PKP4: variants seen among roughly 807,000 people sequenced by gnomAD.
PKP4 encodes plakophilin-4.
PKP4 carries 90 observed loss-of-function variants against 145.1 expected under a neutral mutation model. The ratio of observed to expected loss-of-function variants is 0.62; its 90% CI spans 0.52 to 0.74. The LOEUF (loss-of-function observed/expected upper bound fraction) is 0.74. Ranked by LOEUF, PKP4 falls within the 30% of genes least tolerant of loss-of-function variation. PKP4 has a pLI of 0.00. For missense variants in PKP4, 1,340 were observed against 1,482.7 expected (o/e 0.90, Z 1.58); for synonymous variants, 563 against 577.2 (o/e 0.98, Z 0.35).
chr2:158,590,312 AGTGTGTGTGTGTGTGTGT>A (rs57003090), intron 3 of PKP4, among the ~76,000 whole-genome samples: 38 of 124,212 alleles, frequency 3.1e-4, no homozygotes, highest in East Asian at 4.9e-4. Context: ...GAATGTCTTG[AGTGTGTGTGTGTGTGTGT>A]GTGTGTGTGT....
At chr2:158,589,549 G>A (rs2049078209) in intron 3 of PKP4, among the ~76,000 whole-genome samples, 1 of 152,112 alleles carries the variant, frequency 6.6e-6, no homozygotes, top group South Asian at 2.1e-4. Flanking sequence ...TGAAGCGCTT[G>A]ATATTTCTAT....
At chr2:158,622,254 T>C (rs574650976) in intron 6 of PKP4, among the ~76,000 whole-genome samples, 129 of 152,328 alleles carry the variant, frequency 8.5e-4, no homozygotes, top group African/African-American at 2.8e-3. Context: ...AAGAAAGTTA[T>C]TGTATAGAAA....
chr2:158,515,912 A>G lies in PKP4; in HGVS notation c.-5-17268A>G, dbSNP rs543903541. Among the ~76,000 whole-genome samples, 6 of 152,206 alleles carry G rather than the reference A, an allele frequency of 3.9e-5. 1 individual carries two copies. The South Asian group carries it at 1.0e-3, about 26-fold the overall frequency. On this transcript the variant is annotated intron_variant, in intron 1 of 21. Transcript: ENST00000389759. ...AATTTAAAAATGGGCTGGGCATGAT[A>G]GTGTGTGCCTATAGTCCTACCTATT... is the stretch of plus-strand genomic sequence containing the variant.
Position 158,669,747 on chromosome 2 carries a change from A to G in PKP4, c.2756A>G (p.Asn919Ser). The change falls in exon 17 of 22, where the codon AAC (asparagine) becomes AGC (serine). Residue 919 changes from asparagine (N) to serine (S), a missense_variant. Physicochemically the swap from Asn to Ser is conservative, Grantham distance 46 (BLOSUM62 1). Coordinates refer to ENST00000389759, the MANE Select transcript of PKP4 (RefSeq NM_003628.6). ...IGKYAMRDLVNRLPGGNGPSV... is the reference protein window; with the variant it reads ...IGKYAMRDLVSRLPGGNGPSV... ...AAATACGCCATGCGAGACCTGGTCA[A>G]CCGGCTCCCCGGCGGCAATGGCCCC... The G allele has an allele frequency of 6.2e-7, 1 of 1,601,934 alleles. No individual in the cohort carries two copies.
At chr2:158,610,376 A>G (rs1194429915) in intron 4 of PKP4, among the ~76,000 whole-genome samples, 1 of 152,240 alleles carries the variant, frequency 6.6e-6, no homozygotes, top group East Asian at 1.9e-4. Flanking sequence ...TATATAATAC[A>G]ATAAAAAATA....
chr2:158,596,405 CTG>C (rs1181894341), intron 3 of PKP4, among the ~76,000 whole-genome samples: 7 of 151,714 alleles, frequency 4.6e-5, no homozygotes, highest in African/African-American at 1.5e-4. Flanking sequence ...AATGGTAAAA[CTG>C]AGAGAAAATT....
intron 11 of PKP4, 83 bp from the exon 12 acceptor site, chr2:158,658,048 T>C (rs2056167746): frequency 2.5e-6 from 2 of 810,468 alleles, no homozygotes; most frequent in Non-Finnish European, 4.0e-6. Context: ...ACTGACTTCA[T>C]ATTAATTAGA....
At chr2:158,521,338 T>C (rs1292843648) in intron 1 of PKP4, among the ~76,000 whole-genome samples, 1 of 152,232 alleles carries the variant, frequency 6.6e-6, no homozygotes, top group African/African-American at 2.4e-5. Context: ...AACTTCATTA[T>C]TGGTCATCTA....
chr2:158,459,333 T>A (rs1267718433), intron 1 of PKP4, among the ~76,000 whole-genome samples: 1 of 152,228 alleles, frequency 6.6e-6, no homozygotes, highest in African/African-American at 2.4e-5. Context: ...TCTTTGCACC[T>A]GGTTATTTTA....
intron 19 of PKP4, 36 bp downstream of exon 19, chr2:158,674,036 T>G: frequency 9.0e-7 from 1 of 1,113,240 alleles, no homozygotes; most frequent in Non-Finnish European, 1.4e-6. Flanking sequence ...GCGAGAACCT[T>G]TGTGTGACAG....
chr2:158,664,601 T>C (rs1222178828), intron 15 of PKP4, among the ~76,000 whole-genome samples: 1 of 152,208 alleles, frequency 6.6e-6, no homozygotes, highest in Non-Finnish European at 1.5e-5. Flanking sequence ...AGCCTAGGTA[T>C]GGTTTGTTTC....
intron 1 of PKP4, among the ~76,000 whole-genome samples, chr2:158,482,087 G>A (rs1379222394): frequency 2.6e-5 from 4 of 152,152 alleles, no homozygotes; most frequent in Admixed American, 1.3e-4. Flanking sequence ...CTAGTCACAT[G>A]TAGCTATTTA....
At chr2:158,469,641 T>A (rs1691238458) in intron 1 of PKP4, among the ~76,000 whole-genome samples, 1 of 152,206 alleles carries the variant, frequency 6.6e-6, no homozygotes, top group Non-Finnish European at 1.5e-5. Flanking sequence ...ATTACTTTTA[T>A]GTTCATTCTA....
intron 6 of PKP4, among the ~76,000 whole-genome samples, chr2:158,623,162 C>CT (rs1050868405): frequency 1.3e-5 from 2 of 152,098 alleles, no homozygotes; most frequent in African/African-American, 4.8e-5. Context: ...CCCAATCATG[C>CT]TTTTTTTGTT....
chr2:158,621,396 G>C lies in PKP4; in HGVS notation c.578G>C (p.Arg193Thr). 6.2e-7 allele frequency: 1 copy of C among 1,614,110 alleles called. No homozygotes were observed. Among genetic ancestry groups the C allele is most frequent in the Non-Finnish European group, 8.5e-7 (1 of 1,179,966 alleles). The change falls in exon 6 of 22, where the codon AGA becomes ACA. Residue 193 changes from arginine (R) to threonine (T), a missense_variant. Arg to Thr is a moderately conservative substitution (Grantham distance 71, BLOSUM62 -1). Coordinates refer to ENST00000389759, the MANE Select transcript of PKP4 (RefSeq NM_003628.6). ...STNNHVVRNSRAEGQTLVQPS... is the reference protein window; with the variant it reads ...STNNHVVRNSTAEGQTLVQPS... The stretch of plus-strand genomic sequence containing the variant: ...AACAACCATGTGGTGAGGAATTCAA[G>C]AGCTGAAGGACAAACACTGGTTCAG...
At chr2:158,544,290 A>T (rs982171982) in intron 2 of PKP4, among the ~76,000 whole-genome samples, 18 of 152,282 alleles carry the variant, frequency 1.2e-4, no homozygotes, top group Non-Finnish European at 2.6e-4. Context: ...GACTCATGAA[A>T]ATAAAGGTTC....
rs570093333 is a variant in PKP4 at position 158,638,029 on chromosome 2, C to G, written c.1563-2598C>G. Among the ~76,000 whole-genome samples, 466 of 152,292 alleles carry G rather than the reference C, an allele frequency of 3.1e-3. 2 individuals carry two copies. Among genetic ancestry groups the G allele is most frequent in the Non-Finnish European group, 5.6e-3 (383 of 68,016 alleles). On this transcript the variant is annotated intron_variant, in intron 9 of 21. Coordinates refer to ENST00000389759, the MANE Select transcript of PKP4 (RefSeq NM_003628.6). ...CAGGAAATCTTGACCCTCAGTGTCC[C>G]ATTTAAAGAGGACAAAAATGTGTAT...
intron 15 of PKP4, among the ~76,000 whole-genome samples, chr2:158,664,843 G>T (rs1220988222): frequency 4.6e-5 from 7 of 152,174 alleles, no homozygotes; most frequent in Non-Finnish European, 7.3e-5. Flanking sequence ...GTGGTTATGA[G>T]GATTTAGTGA....
At chr2:158,595,709 A>T (rs1408745114) in intron 3 of PKP4, among the ~76,000 whole-genome samples, 1 of 152,210 alleles carries the variant, frequency 6.6e-6, no homozygotes, top group Non-Finnish European at 1.5e-5. Flanking sequence ...ATAGAAATTT[A>T]AGTGTTTGAC....
Sources: gnomAD v4.1 joint callset for allele counts (sites outside exome capture counted in the v4.1 genomes callset) on GRCh38, gnomAD v4.1.1 for gene constraint, MANE v1.5 for transcripts, NCBI Gene and HGNC (gene_info 2026-07-23, HGNC 2026-07-21) for gene names.